Variants in CPQ observed in about 807,000 individuals in gnomAD.
The protein encoded by CPQ is Ser-Met dipeptidase.
In CPQ, 37 loss-of-function variants were observed where a neutral mutation model predicts 45.7. That is an observed-to-expected ratio of 0.81 (90% CI 0.62 to 1.07). CPQ has a LOEUF of 1.07. Among genes scored for constraint, CPQ ranks in the 50% least tolerant of loss-of-function variants. CPQ has a pLI of 0.00. For synonymous variants in CPQ, 186 were observed against 205.8 expected, an observed-to-expected ratio of 0.90 and a Z score of 0.82; for missense variants, 537 against 572.9, an observed-to-expected ratio of 0.94 and a Z score of 0.64.
chr8:96,850,789 A>C (rs1167370121), intron 3 of CPQ, among the ~76,000 whole-genome samples: 2 of 151,916 alleles, frequency 1.3e-5, no homozygotes, highest in Non-Finnish European at 2.9e-5. Flanking sequence ...TTATATTTTT[A>C]GTAGAGACAG....
chr8:97,126,249 T>C (rs1811845936), intron 7 of CPQ, among the ~76,000 whole-genome samples: 1 of 152,166 alleles, frequency 6.6e-6, no homozygotes, highest in Non-Finnish European at 1.5e-5. Flanking sequence ...ACTAACCCTA[T>C]AATTTAAAAA....
rs1029757181 is a variant in CPQ, at chr8:96,907,544, A to G, written c.849+27539A>G. 6.6e-5 allele frequency among the ~76,000 whole-genome samples: 10 copies of G among 152,302 alleles called. 1 individual carries two copies. The highest frequency in any genetic ancestry group is 6.5e-4 in the Admixed American group (10 of 15,284). On this transcript the variant is annotated intron_variant, in intron 4 of 7. Transcript: ENST00000220763. Reference sequence around the variant, plus strand: ...GGGAGAATGGGGTTGGTGACTAACTAGCAGTCTCTGCCATGGGAAGGTATA... The same window carrying G: ...GGGAGAATGGGGTTGGTGACTAACTGGCAGTCTCTGCCATGGGAAGGTATA...
intron 6 of CPQ, among the ~76,000 whole-genome samples, chr8:97,061,118 A>G (rs563243265): frequency 6.6e-6 from 1 of 152,318 alleles, no homozygotes; most frequent in Admixed American, 6.5e-5. Flanking sequence ...TTCTACACGA[A>G]TAGAAATCAA....
intron 1 of CPQ, among the ~76,000 whole-genome samples, chr8:96,647,913 G>A (rs1162793951): frequency 6.6e-6 from 1 of 152,174 alleles, no homozygotes; most frequent in Non-Finnish European, 1.5e-5. Flanking sequence ...TGAACCATGA[G>A]TGCTAAGCAG....
intron 4 of CPQ, among the ~76,000 whole-genome samples, chr8:96,907,449 G>A (rs1812593648): frequency 6.6e-6 from 1 of 152,146 alleles, no homozygotes; most frequent in African/African-American, 2.4e-5. Context: ...GTGAAGGGGA[G>A]GCTGGGGAAT....
At chr8:97,061,357 A>G (rs1810548913) in intron 6 of CPQ, among the ~76,000 whole-genome samples, 1 of 152,026 alleles carries the variant, frequency 6.6e-6, no homozygotes, top group Non-Finnish European at 1.5e-5. Context: ...ATGATCATGA[A>G]AAAAAGTTTT....
intron 5 of CPQ, among the ~76,000 whole-genome samples, chr8:97,025,019 T>C (rs1020377938): frequency 1.3e-5 from 2 of 152,200 alleles, no homozygotes; most frequent in African/African-American, 4.8e-5. Context: ...TCAATACATA[T>C]TGTTAAGAAA....
At position 96,785,156 on chromosome 8, in the gene CPQ, G is replaced by A; in HGVS notation, c.259G>A (p.Ala87Thr). 1 of 1,613,536 alleles carries A rather than the reference G, an allele frequency of 6.2e-7. No homozygotes were observed. Among genetic ancestry groups the A allele is most frequent in the Non-Finnish European group, 8.5e-7 (1 of 1,179,768 alleles). The change falls in exon 2 of 8, where the codon GCC becomes ACC. Residue 87 changes from alanine to threonine, a missense_variant. Ala to Thr is a moderately conservative substitution (Grantham distance 58). Coordinates refer to ENST00000220763, the MANE Select transcript of CPQ (RefSeq NM_016134.4). ...RLSGSKNLEKAIQIMYQNLQQ... is the reference protein window; with the variant it reads ...RLSGSKNLEKTIQIMYQNLQQ... ...GAGTGGCTCCAAGAACCTAGAAAAA[G>A]CCATCCAAATTATGTACCAAAACCT...
At chr8:97,010,653 TC>T (rs1809472465) in intron 5 of CPQ, among the ~76,000 whole-genome samples, 1 of 152,150 alleles carries the variant, frequency 6.6e-6, no homozygotes, top group South Asian at 2.1e-4. Context: ...GTAATCGCTC[TC>T]CACAAATTCA....
rs1379174320 is a variant in CPQ, at chr8:96,781,969, G to A, written c.-34-2895G>A. On this transcript the variant is annotated intron_variant, in intron 1 of 7. Transcript: ENST00000220763. The stretch of plus-strand genomic sequence containing the variant: ...TGACTCCATGCTGCCCTGCTTCCTG[G>A]ACACACTGGGGAAGGGGTTGAGCCC... Among the ~76,000 whole-genome samples, 5 of 152,146 alleles carry A rather than the reference G, an allele frequency of 3.3e-5. No individual in the cohort carries two copies. The East Asian group carries it at 9.7e-4, about 29-fold the overall frequency.
intron 2 of CPQ, among the ~76,000 whole-genome samples, chr8:96,812,856 T>C (rs563102666): frequency 6.6e-6 from 1 of 151,942 alleles, no homozygotes; most frequent in Non-Finnish European, 1.5e-5. Flanking sequence ...TCTGACCACA[T>C]GTTGTTTCTT....
intron 7 of CPQ, among the ~76,000 whole-genome samples, chr8:97,123,148 TAAATAAAATA>T (rs749303830): frequency 4.4e-4 from 9 of 20,632 alleles, no homozygotes; most frequent in East Asian, 2.1e-3. Flanking sequence ...TAAAATAAAA[TAAATAAAATA>T]AAATAAAATA....
chr8:96,811,874 G>A (rs1270434925), intron 2 of CPQ, among the ~76,000 whole-genome samples: 1 of 152,104 alleles, frequency 6.6e-6, no homozygotes, highest in African/African-American at 2.4e-5. Context: ...ATAAATCGGA[G>A]TTTCCCATGA....
chr8:96,982,300 T>C (rs1332405088), intron 5 of CPQ, among the ~76,000 whole-genome samples: 2 of 152,214 alleles, frequency 1.3e-5, no homozygotes, highest in Non-Finnish European at 2.9e-5. Context: ...ATACTCTTGC[T>C]TTAGGACTTA....
At chr8:96,740,334 G>C (rs1277085740) in intron 1 of CPQ, among the ~76,000 whole-genome samples, 1 of 152,174 alleles carries the variant, frequency 6.6e-6, no homozygotes, top group Non-Finnish European at 1.5e-5. Context: ...CTTTGCTGAA[G>C]TTGCTTATCA....
At chr8:96,773,760 G>A (rs1438142198) in intron 1 of CPQ, among the ~76,000 whole-genome samples, 1 of 152,136 alleles carries the variant, frequency 6.6e-6, no homozygotes, top group African/African-American at 2.4e-5. Flanking sequence ...GTCTGATGAG[G>A]GCTGCTTTCA....
At chr8:97,126,619 A>G (rs1811851534) in intron 7 of CPQ, among the ~76,000 whole-genome samples, 1 of 152,228 alleles carries the variant, frequency 6.6e-6, no homozygotes, top group Non-Finnish European at 1.5e-5. Context: ...ACTAAAAACT[A>G]GCAAATAATA....
chr8:97,055,217 C>A lies in CPQ; in HGVS notation c.1054-10792C>A, dbSNP rs946211868. Among the ~76,000 whole-genome samples the A allele has an allele frequency of 2.0e-5, 3 of 152,146 alleles. No homozygotes were observed. The East Asian group carries it at 5.8e-4, about 29-fold the overall frequency. On this transcript the variant is annotated intron_variant, in intron 6 of 7. Transcript: ENST00000220763. ...CCTCCTTTATCACATCATCATGATC[C>A]TCACTGGAATCAGTCTCTCTGAACT...
At chr8:96,847,459 A>G (rs1419931506) in intron 3 of CPQ, among the ~76,000 whole-genome samples, 1 of 152,190 alleles carries the variant, frequency 6.6e-6, no homozygotes, top group African/African-American at 2.4e-5. Flanking sequence ...ATTCATTACT[A>G]TCATCATTCT....
Sources: allele counts gnomAD v4.1 joint callset (sites outside exome capture counted in the v4.1 genomes callset), GRCh38; gene constraint gnomAD v4.1.1; transcripts MANE v1.5; gene names NCBI Gene and HGNC (gene_info 2026-07-23, HGNC 2026-07-21).